The following CTTNBP2 variants were observed in gnomAD, a reference collection of about 807,000 sequenced individuals.
The protein encoded by CTTNBP2 is cortactin-binding protein 2.
In CTTNBP2, 108 loss-of-function variants were observed where a neutral mutation model predicts 156.9. The ratio of observed to expected loss-of-function variants is 0.69; its 90% CI spans 0.59 to 0.81. CTTNBP2 has a LOEUF of 0.81. Ranked by LOEUF, CTTNBP2 falls within the 30% of genes least tolerant of loss-of-function variation. The pLI is 0.00. For missense variants in CTTNBP2, 1,924 were observed against 2,035.4 expected (o/e 0.95, Z 1.05); for synonymous variants, 767 against 751.8 (o/e 1.02, Z -0.33).
intron 2 of CTTNBP2, among the ~76,000 whole-genome samples, chr7:117,850,178 T>C (rs934082832): frequency 6.6e-6 from 1 of 152,232 alleles, no homozygotes; most frequent in African/African-American, 2.4e-5. Context: ...ATCTGAGCTA[T>C]GTGACTGCTT....
At chr7:117,802,437 C>CAAAAAAAAAAAAA (rs759797673) in intron 3 of CTTNBP2, among the ~76,000 whole-genome samples, 2 of 83,736 alleles carry the variant, frequency 2.4e-5, no homozygotes, top group Admixed American at 1.4e-4. Context: ...TCAGCATTGG[C>CAAAAAAAAAAAAA]AAAAAAAAAA....
intron 2 of CTTNBP2, 61 bp downstream of exon 2, chr7:117,861,148 A>G (rs1803709948): frequency 3.1e-6 from 3 of 977,840 alleles, no homozygotes; most frequent in Middle Eastern, 2.1e-4. Flanking sequence ...AAGGTTTGCC[A>G]ATGGCTCTTT....
At position 117,735,276 on chromosome 7, in the gene CTTNBP2, G is replaced by T. The variant is rs562221378; in HGVS notation, c.3681C>A (p.Phe1227Leu). 5.0e-4 allele frequency: 813 copies of T among 1,611,594 alleles called. 13 individuals carry two copies. In the South Asian group the frequency reaches 8.5e-3, roughly 17 times the overall value. ...ENRSTESPCT[F>L]QKGNGLSECY... ...TCCCTTTATTAGCGTTACCTTTTTG[G>T]AAAGTGCAGGGGCTTTCAGTGCTGC... Residue 1227 changes from phenylalanine (F) to leucine (L), a missense_variant, in exon 15 of 23, where the codon TTC becomes TTA. Coordinates refer to ENST00000160373, the MANE Select transcript of CTTNBP2 (RefSeq NM_033427.3).
chr7:117,776,041 G>A (rs1285414705), intron 8 of CTTNBP2, among the ~76,000 whole-genome samples: 1 of 152,196 alleles, frequency 6.6e-6, no homozygotes, highest in African/African-American at 2.4e-5. Flanking sequence ...CCAACCAGGA[G>A]CTCTAAATAC....
chr7:117,773,696 CA>C (rs1562992448), intron 8 of CTTNBP2, among the ~76,000 whole-genome samples: 1,804 of 141,040 alleles, frequency 0.013, 51 homozygotes, highest in African/African-American at 0.041. Context: ...CACACACACA[CA>C]CACACACACA....
At chr7:117,839,521 G>T (rs1389018956) in intron 2 of CTTNBP2, among the ~76,000 whole-genome samples, 1 of 152,180 alleles carries the variant, frequency 6.6e-6, no homozygotes, top group East Asian at 1.9e-4. Context: ...GTGACAAATT[G>T]TTAGATTTAA....
chr7:117,861,574 C>T (rs770201261), intron 1 of CTTNBP2, among the ~76,000 whole-genome samples: 8 of 152,114 alleles, frequency 5.3e-5, no homozygotes, highest in Non-Finnish European at 8.8e-5. Context: ...CAAAATCTCT[C>T]CAAATTACAT....
rs11299673 is a variant in CTTNBP2, at chr7:117,809,188, T to TAAAAAAAA, written c.414+1569_414+1576dup. Among the ~76,000 whole-genome samples the TAAAAAAAA allele has an allele frequency of 2.7e-5, 4 of 150,430 alleles. No individual in the cohort carries two copies. The East Asian group carries it at 7.8e-4, about 29-fold the overall frequency. ...GAAACAAACAGGATGTAAGTTGATT[T>TAAAAAAAA]AAAAAAAAAAAATCAGCTAGATAAT... On this transcript the variant is annotated intron_variant, in intron 3 of 22. Coordinates refer to ENST00000160373, the MANE Select transcript of CTTNBP2 (RefSeq NM_033427.3).
chr7:117,746,151 GA>G (rs762271983), intron 12 of CTTNBP2, 52 bp from the exon 13 acceptor site: 3 of 1,229,098 alleles, frequency 2.4e-6, no homozygotes, highest in Non-Finnish European at 2.4e-6. Context: ...ATTGATGAGA[GA>G]AAAAAGTGGT....
intron 12 of CTTNBP2, among the ~76,000 whole-genome samples, chr7:117,751,777 T>C (rs1796631872): frequency 6.6e-6 from 1 of 152,188 alleles, no homozygotes; most frequent in African/African-American, 2.4e-5. Flanking sequence ...GTATTACAGC[T>C]ACTTCAAAAA....
intron 5 of CTTNBP2, among the ~76,000 whole-genome samples, chr7:117,783,968 A>G (rs1016125798): frequency 1.3e-5 from 2 of 152,172 alleles, no homozygotes; most frequent in African/African-American, 2.4e-5. Context: ...ACTTTCTCAT[A>G]TATCAGGTAT....
intron 9 of CTTNBP2, among the ~76,000 whole-genome samples, chr7:117,761,170 G>A (rs1797193550): frequency 6.6e-6 from 1 of 152,188 alleles, no homozygotes; most frequent in South Asian, 2.1e-4. Flanking sequence ...GTCAGGGTCA[G>A]CCTCCTATAG....
intron 2 of CTTNBP2, among the ~76,000 whole-genome samples, chr7:117,831,117 C>A (rs1801581952): frequency 6.6e-6 from 1 of 152,114 alleles, no homozygotes; most frequent in South Asian, 2.1e-4. Flanking sequence ...TATCTAAAGA[C>A]CTAAGTCCCC....
intron 8 of CTTNBP2, 31 bp downstream of exon 8, chr7:117,777,480 G>GC: frequency 1.3e-6 from 2 of 1,596,956 alleles, no homozygotes; most frequent in Non-Finnish European, 1.7e-6. Context: ...AATTACAGCT[G>GC]CATGATGAGG....
intron 1 of CTTNBP2, among the ~76,000 whole-genome samples, chr7:117,864,697 TTC>T (rs1346365922): frequency 1.4e-4 from 20 of 145,130 alleles, no homozygotes; most frequent in East Asian, 3.9e-4. Flanking sequence ...TTCATATATA[TTC>T]ATATATTCAT....
intron 4 of CTTNBP2, among the ~76,000 whole-genome samples, chr7:117,790,802 T>C (rs1798951088): frequency 6.6e-6 from 1 of 152,170 alleles, no homozygotes; most frequent in Admixed American, 6.5e-5. Context: ...AAATATTTAA[T>C]AAGAAGGAAT....
intron 8 of CTTNBP2, among the ~76,000 whole-genome samples, chr7:117,776,895 G>A (rs569817380): frequency 5.6e-4 from 85 of 152,308 alleles, no homozygotes; most frequent in Non-Finnish European, 1.2e-3. Flanking sequence ...AGCACGCACA[G>A]TGCCTTGCAC....
At chr7:117,834,864 C>A (rs373788827) in intron 2 of CTTNBP2, among the ~76,000 whole-genome samples, 1 of 152,088 alleles carries the variant, frequency 6.6e-6, no homozygotes, top group Non-Finnish European at 1.5e-5. Context: ...TAGTCCACAC[C>A]GAAGGTGCTA....
Position 117,719,499 on chromosome 7 carries a change from C to T in CTTNBP2, c.4644+5G>A. On this transcript the variant is annotated splice_donor_5th_base_variant and intron_variant, in intron 21 of 22. Transcript: ENST00000160373. Reference sequence around the variant, plus strand: ...CATTCAATGCCCCCCATTTGTACTGCTCACCTTGCTGATATCAGACTCAGA... The same window carrying T: ...CATTCAATGCCCCCCATTTGTACTGTTCACCTTGCTGATATCAGACTCAGA... 4 of 1,613,078 alleles carry T rather than the reference C, an allele frequency of 2.5e-6. No individual in the cohort carries two copies. The highest frequency in any genetic ancestry group is 3.4e-6 in the Non-Finnish European group (4 of 1,179,372).
Sources: allele counts gnomAD v4.1 joint callset (sites outside exome capture counted in the v4.1 genomes callset), GRCh38; gene constraint gnomAD v4.1.1; transcripts MANE v1.5; gene names NCBI Gene and HGNC (gene_info 2026-07-23, HGNC 2026-07-21).